TUSC3: variants seen among roughly 807,000 people sequenced by gnomAD.
TUSC3 encodes tumor suppressor candidate 3, also known as dolichyl-diphosphooligosaccharide--protein glycosyltransferase subunit TUSC3.
Under a neutral mutation model 44.8 loss-of-function variants are expected in TUSC3, and 45 were observed. That is an observed-to-expected ratio of 1.00 (90% CI 0.79 to 1.29). The LOEUF is 1.29. Ranked by LOEUF, TUSC3 falls within the 50% of genes most tolerant of loss-of-function variation. TUSC3 has a pLI of 0.00. For synonymous variants in TUSC3, 212 were observed against 152.9 expected (o/e 1.39, Z -2.85); for missense variants, 519 against 437.9 (o/e 1.19, Z -1.65).
chr8:15,617,162 CAG>C (rs1805031426), intron 1 of TUSC3, among the ~76,000 whole-genome samples: 2 of 18,536 alleles, frequency 1.1e-4, no homozygotes, highest in Non-Finnish European at 2.9e-4. Flanking sequence ...TTTTTTGAGA[CAG>C]AGTCTTGCTC....
At chr8:15,693,290 TA>T (rs1336093495) in intron 6 of TUSC3, among the ~76,000 whole-genome samples, 1 of 152,272 alleles carries the variant, frequency 6.6e-6, no homozygotes, top group East Asian at 1.9e-4. Context: ...TAGTGGCCAG[TA>T]ACAGTCTTTT....
At chr8:15,651,020 C>A in intron 3 of TUSC3, 2 of 325,954 alleles carry the variant, frequency 6.1e-6, no homozygotes, top group Non-Finnish European at 1.1e-5. Flanking sequence ...CACACACACA[C>A]ACAAATACAA....
At chr8:15,721,776 C>G (rs1329761651) in intron 6 of TUSC3, among the ~76,000 whole-genome samples, 1 of 152,026 alleles carries the variant, frequency 6.6e-6, no homozygotes, top group African/African-American at 2.4e-5. Context: ...AGTTCAGTCA[C>G]AGGACAGACT....
intron 6 of TUSC3, among the ~76,000 whole-genome samples, chr8:15,726,903 A>T (rs1449748937): frequency 6.6e-6 from 1 of 152,216 alleles, no homozygotes; most frequent in Non-Finnish European, 1.5e-5. Context: ...CTTTGGAAGA[A>T]TTGATCGGTA....
intron 7 of TUSC3, among the ~76,000 whole-genome samples, chr8:15,735,862 G>A (rs1327340353): frequency 7.2e-6 from 1 of 138,702 alleles, no homozygotes; most frequent in East Asian, 2.1e-4. Flanking sequence ...GCCACACCCG[G>A]CTAATGGGTT....
At chr8:15,461,054 AT>A (rs1378817181) in intron 1 of TUSC3, among the ~76,000 whole-genome samples, 5 of 152,230 alleles carry the variant, frequency 3.3e-5, no homozygotes, top group Admixed American at 3.3e-4. Context: ...GTGTTTTCTA[AT>A]TCTGTGAAGA....
chr8:15,701,835 C>G (rs547458850), intron 6 of TUSC3, among the ~76,000 whole-genome samples: 2 of 152,168 alleles, frequency 1.3e-5, no homozygotes, highest in African/African-American at 4.8e-5. Flanking sequence ...GCTGTTTATC[C>G]AAGTTGTATG....
intron 1 of TUSC3, among the ~76,000 whole-genome samples, chr8:15,617,642 A>G (rs1805055880): frequency 6.6e-6 from 1 of 152,196 alleles, no homozygotes; most frequent in Non-Finnish European, 1.5e-5. Flanking sequence ...TCTGTGAGAA[A>G]CAAAAATAAC....
At chr8:15,610,813 C>T (rs543528250) in intron 1 of TUSC3, among the ~76,000 whole-genome samples, 24 of 152,176 alleles carry the variant, frequency 1.6e-4, no homozygotes, top group African/African-American at 5.8e-4. Context: ...CTCTCAGGAG[C>T]CACCAGTGTT....
At chr8:15,518,462 T>G (rs1801251754) in intron 2 of TUSC3, among the ~76,000 whole-genome samples, 2 of 152,314 alleles carry the variant, frequency 1.3e-5, no homozygotes, top group Middle Eastern at 3.4e-3. Context: ...TTCTCTGTAT[T>G]AAAGGAACTA....
chr8:15,757,242 A>G (rs1227563838), intron 9 of TUSC3, among the ~76,000 whole-genome samples: 1 of 152,196 alleles, frequency 6.6e-6, no homozygotes, highest in Non-Finnish European at 1.5e-5. Context: ...TGGACACAGA[A>G]AGTGGCTTCC....
At chr8:15,797,834 C>G in the TUSC3 span, among the ~76,000 whole-genome samples, 1 of 152,112 alleles carries the variant, frequency 6.6e-6, no homozygotes, top group African/African-American at 2.4e-5. Context: ...TTGCAACATC[C>G]GCAACGGCTG....
chr8:15,838,235 C>G, the TUSC3 span, among the ~76,000 whole-genome samples: 1 of 152,138 alleles, frequency 6.6e-6, no homozygotes, highest in Non-Finnish European at 1.5e-5. Context: ...ATATCATTTA[C>G]CTTTGAGACT....
At chr8:15,674,064 A>T (rs1365672113) in intron 6 of TUSC3, among the ~76,000 whole-genome samples, 2 of 152,046 alleles carry the variant, frequency 1.3e-5, no homozygotes, top group Non-Finnish European at 2.9e-5. Context: ...TAAAAAATTA[A>T]TATCTACCAT....
upstream of TUSC3, among the ~76,000 whole-genome samples, chr8:15,538,948 C>G (rs1259945862): frequency 6.6e-6 from 1 of 151,380 alleles, no homozygotes; most frequent in Non-Finnish European, 1.5e-5. Context: ...CTCCTGGGCT[C>G]TAGTGATCCT....
intron 2 of TUSC3, among the ~76,000 whole-genome samples, chr8:15,487,482 A>G (rs1273505743): frequency 1.3e-5 from 2 of 152,220 alleles, no homozygotes; most frequent in Admixed American, 1.3e-4. Context: ...AGATGAGTTG[A>G]ACAAAGCACA....
chr8:15,618,129 G>C (rs938440481), intron 1 of TUSC3, among the ~76,000 whole-genome samples: 1 of 152,160 alleles, frequency 6.6e-6, no homozygotes, highest in Non-Finnish European at 1.5e-5. Flanking sequence ...TTCAGGCCTG[G>C]AGGTTGCTCT....
Position 15,738,659 on chromosome 8 carries a change from T to A in TUSC3, c.863-4879T>A, listed in dbSNP as rs186543671. Among the ~76,000 whole-genome samples, 227 of 152,222 alleles carry A rather than the reference T, an allele frequency of 1.5e-3. 3 individuals are homozygous for A. Among genetic ancestry groups the A allele is most frequent in the Admixed American group, 4.9e-3 (75 of 15,288 alleles). On this transcript the variant is annotated intron_variant, in intron 7 of 10. Coordinates refer to ENST00000503731, the MANE Select transcript of TUSC3 (RefSeq NM_006765.4). ...TAAAGAACACAAAAATCCACACTTT[T>A]ATTAACTCACCCGTGAACAGTTACT...
At chr8:15,433,326 G>C (rs1384504708) in intron 1 of TUSC3, among the ~76,000 whole-genome samples, 2 of 152,112 alleles carry the variant, frequency 1.3e-5, no homozygotes, top group Non-Finnish European at 2.9e-5. Context: ...TTTGGTGTCA[G>C]TGAGTGTCAA....
Sources: gnomAD v4.1 joint callset for allele counts (sites outside exome capture counted in the v4.1 genomes callset) on GRCh38, gnomAD v4.1.1 for gene constraint, MANE v1.5 for transcripts, NCBI Gene and HGNC (gene_info 2026-07-23, HGNC 2026-07-21) for gene names.